MACROD2: variants seen among roughly 807,000 people sequenced by gnomAD.
The protein encoded by MACROD2 is mono-ADP ribosylhydrolase 2, also known as ADP-ribose glycohydrolase MACROD2.
In MACROD2, 36 loss-of-function variants were observed where a neutral mutation model predicts 70.4. That is an observed-to-expected ratio of 0.51 (90% confidence interval 0.39 to 0.68). The LOEUF (loss-of-function observed/expected upper bound fraction) is 0.68, where lower values mean the gene tolerates loss of function less well. MACROD2 is among the 30% of genes least tolerant of loss of function. The pLI, the probability that MACROD2 is intolerant of heterozygous loss-of-function variation, is 0.00. For missense variants in MACROD2, 496 were observed against 538.4 expected (o/e 0.92, Z 0.78); for synonymous variants, 172 against 178.8 (o/e 0.96, Z 0.30).
At chr20:15,268,207 A>G (rs2077313843) in intron 6 of MACROD2, among the ~76,000 whole-genome samples, 1 of 152,136 alleles carries the variant, frequency 6.6e-6, no homozygotes, top group South Asian at 2.1e-4. Flanking sequence ...TGGTTTGAGA[A>G]CAGGTGTTCA....
intron 8 of MACROD2, among the ~76,000 whole-genome samples, chr20:15,842,666 G>A (rs1167992068): frequency 1.3e-5 from 2 of 151,756 alleles, no homozygotes; most frequent in Non-Finnish European, 2.9e-5. Flanking sequence ...GCTTGGATTA[G>A]AAAGATGGAT....
intron 12 of MACROD2, among the ~76,000 whole-genome samples, chr20:15,944,670 T>G (rs916224343): frequency 1.3e-5 from 2 of 152,194 alleles, no homozygotes; most frequent in Non-Finnish European, 2.9e-5. Context: ...AAGAAAATTC[T>G]AGTAAATGTG....
intron 8 of MACROD2, among the ~76,000 whole-genome samples, chr20:15,842,888 A>G (rs919706617): frequency 6.6e-6 from 1 of 152,188 alleles, no homozygotes; most frequent in Non-Finnish European, 1.5e-5. Flanking sequence ...TTAGTTGATA[A>G]GCTAGGTGAT....
intron 2 of MACROD2, among the ~76,000 whole-genome samples, chr20:14,034,594 G>T (rs2053285383): frequency 6.6e-6 from 1 of 152,168 alleles, no homozygotes; most frequent in Non-Finnish European, 1.5e-5. Context: ...ACCAACACTG[G>T]ATTATATCAA....
intron 6 of MACROD2, among the ~76,000 whole-genome samples, chr20:15,246,725 C>G (rs1439158471): frequency 6.6e-6 from 1 of 152,040 alleles, no homozygotes; most frequent in African/African-American, 2.4e-5. Context: ...AGGTGTTTAC[C>G]CAAATAATTG....
At chr20:14,882,986 G>T (rs1449086219) in intron 5 of MACROD2, among the ~76,000 whole-genome samples, 3 of 152,118 alleles carry the variant, frequency 2.0e-5, no homozygotes, top group Non-Finnish European at 4.4e-5. Flanking sequence ...TTGTGATGGG[G>T]TGTTTGGAAT....
intron 8 of MACROD2, among the ~76,000 whole-genome samples, chr20:15,694,227 A>G (rs910689291): frequency 2.0e-5 from 3 of 152,170 alleles, no homozygotes. Flanking sequence ...CTGGGTAGAT[A>G]CCCAGCAGTG....
At chr20:14,783,817 C>T (rs977708408) in intron 5 of MACROD2, among the ~76,000 whole-genome samples, 3 of 152,064 alleles carry the variant, frequency 2.0e-5, no homozygotes, top group Non-Finnish European at 2.9e-5. Context: ...TCTGGTGACC[C>T]CTGTAGAATA....
At chr20:14,865,429 C>T (rs887402699) in intron 5 of MACROD2, among the ~76,000 whole-genome samples, 1 of 151,884 alleles carries the variant, frequency 6.6e-6, no homozygotes, top group Non-Finnish European at 1.5e-5. Context: ...TAAACCAACA[C>T]CCTGTGTTAA....
intron 3 of MACROD2, among the ~76,000 whole-genome samples, chr20:14,183,139 T>G (rs2081318180): frequency 6.6e-6 from 1 of 150,586 alleles, no homozygotes; most frequent in South Asian, 2.1e-4. Context: ...AAGCCTAGGC[T>G]TAATAAAATT....
At chr20:15,769,900 A>C (rs1413030317) in intron 8 of MACROD2, among the ~76,000 whole-genome samples, 5 of 152,104 alleles carry the variant, frequency 3.3e-5, no homozygotes, top group African/African-American at 9.7e-5. Flanking sequence ...TTGTAAATTA[A>C]AAATACATGT....
chr20:14,829,881 A>G (rs1323323317), intron 5 of MACROD2, among the ~76,000 whole-genome samples: 1 of 152,168 alleles, frequency 6.6e-6, no homozygotes, highest in East Asian at 1.9e-4. Flanking sequence ...TTTTTATTGT[A>G]TAAAACTCTA....
intron 6 of MACROD2, among the ~76,000 whole-genome samples, chr20:15,337,157 A>C (rs1326379665): frequency 6.6e-6 from 1 of 151,832 alleles, no homozygotes; most frequent in East Asian, 1.9e-4. Context: ...AATGGCTTTG[A>C]AGAGCTTTAC....
At position 14,327,227 on chromosome 20, in the gene MACROD2, T is replaced by C. The variant is rs1376429889; in HGVS notation, c.272-166252T>C. The C allele has an allele frequency of 3.1e-6, 5 of 1,613,744 alleles. No individual in the cohort carries two copies. The highest frequency in any genetic ancestry group is 1.1e-5 in the South Asian group (1 of 91,082). On this transcript the variant is annotated intron_variant, in intron 3 of 17. Coordinates refer to ENST00000684519, the MANE Select transcript of MACROD2 (RefSeq NM_001351661.2). ...AGGTTGGTAGGAAATTCATCTAAAC[T>C]GTTGTGGTATAGGTATATTCTTTCT...
chr20:15,293,117 C>T (rs895943841), intron 6 of MACROD2, among the ~76,000 whole-genome samples: 1 of 152,200 alleles, frequency 6.6e-6, no homozygotes, highest in Non-Finnish European at 1.5e-5. Flanking sequence ...TTCTCAGCTA[C>T]TTCTTGCCAA....
At chr20:15,295,636 C>T (rs866149617) in intron 6 of MACROD2, among the ~76,000 whole-genome samples, 3 of 151,894 alleles carry the variant, frequency 2.0e-5, no homozygotes, top group Middle Eastern at 3.4e-3. Context: ...CACATGCACA[C>T]ACCCCAGACC....
chr20:15,107,548 CTT>C (rs145397339), intron 5 of MACROD2, among the ~76,000 whole-genome samples: 3 of 145,374 alleles, frequency 2.1e-5, no homozygotes, highest in Admixed American at 1.4e-4. Context: ...TGCTTCCTAT[CTT>C]TTTTTTTTTT....
chr20:15,169,549 A>G (rs1208135130), intron 5 of MACROD2, among the ~76,000 whole-genome samples: 1 of 152,218 alleles, frequency 6.6e-6, no homozygotes. Context: ...AATTAAAAGA[A>G]TTAGCACATC....
intron 3 of MACROD2, among the ~76,000 whole-genome samples, chr20:14,344,188 A>G (rs979916193): frequency 2.0e-5 from 3 of 152,210 alleles, no homozygotes; most frequent in African/African-American, 7.2e-5. Context: ...ATGACTATGG[A>G]AATTGCCCTT....
Sources: allele counts gnomAD v4.1 joint callset (sites outside exome capture counted in the v4.1 genomes callset), GRCh38; gene constraint gnomAD v4.1.1; transcripts MANE v1.5; gene names NCBI Gene and HGNC (gene_info 2026-07-23, HGNC 2026-07-21).